RASAL2: variants seen among roughly 807,000 people sequenced by gnomAD.
RASAL2 encodes the protein ras GTPase-activating protein nGAP.
In RASAL2, 58 loss-of-function variants were observed where a neutral mutation model predicts 128.9. That is an observed-to-expected ratio of 0.45 (90% confidence interval 0.36 to 0.56). The LOEUF (loss-of-function observed/expected upper bound fraction) is 0.56. Among genes scored for constraint, RASAL2 ranks in the 20% least tolerant of loss-of-function variants. The probability of loss-of-function intolerance (pLI) is 0.00; values close to 1 mark genes in which losing one functional copy is unlikely to be tolerated. For missense variants in RASAL2, 1,360 were observed against 1,601.6 expected (o/e 0.85, Z 2.57); for synonymous variants, 561 against 580.8 (o/e 0.97, Z 0.49).
intron 3 of RASAL2, among the ~76,000 whole-genome samples, chr1:178,302,298 G>A (rs1048863397): frequency 6.6e-6 from 1 of 151,880 alleles, no homozygotes; most frequent in African/African-American, 2.4e-5. Context: ...TAGCAAGATA[G>A]GATGAATATA....
intron 13 of RASAL2, 140 bp downstream of exon 13, chr1:178,457,039 A>G (rs1311288376): frequency 2.7e-6 from 2 of 744,556 alleles, no homozygotes; most frequent in Non-Finnish European, 2.1e-6. Context: ...GAGCAGTCCA[A>G]TTATTTGTCA....
chr1:178,378,920 T>A (rs1381755841), intron 3 of RASAL2, among the ~76,000 whole-genome samples: 1 of 151,904 alleles, frequency 6.6e-6, no homozygotes, highest in East Asian at 1.9e-4. Flanking sequence ...TAAGAGTAGA[T>A]AATGATGAAA....
chr1:178,246,586 A>C (rs113912560), intron 1 of RASAL2, among the ~76,000 whole-genome samples: 1 of 152,302 alleles, frequency 6.6e-6, no homozygotes, highest in African/African-American at 2.4e-5. Flanking sequence ...TGCTCTGGCC[A>C]GAACTTCCAA....
At chr1:178,455,168 A>G (rs2102899069) in intron 12 of RASAL2, among the ~76,000 whole-genome samples, 1 of 152,270 alleles carries the variant, frequency 6.6e-6, no homozygotes, top group Non-Finnish European at 1.5e-5. Context: ...AGAATACAGA[A>G]AGCAATTATT....
At chr1:178,171,947 A>G (rs1298935153) in intron 1 of RASAL2, among the ~76,000 whole-genome samples, 1 of 151,904 alleles carries the variant, frequency 6.6e-6, no homozygotes. Context: ...GAGCTTTTTC[A>G]TGCTCTATTT....
chr1:178,205,552 C>T (rs927640189), intron 1 of RASAL2, among the ~76,000 whole-genome samples: 4 of 151,810 alleles, frequency 2.6e-5, no homozygotes, highest in Non-Finnish European at 5.9e-5. Context: ...GTCAGGAGAT[C>T]GAGACCATCC....
intron 3 of RASAL2, among the ~76,000 whole-genome samples, chr1:178,350,280 G>A (rs909549510): frequency 2.5e-4 from 38 of 152,304 alleles, no homozygotes; most frequent in Admixed American, 3.3e-4. Flanking sequence ...GTGTGCAGTG[G>A]CATGATCATG....
At chr1:178,227,918 G>A (rs1248814121) in intron 1 of RASAL2, among the ~76,000 whole-genome samples, 1 of 152,120 alleles carries the variant, frequency 6.6e-6, no homozygotes, top group East Asian at 1.9e-4. Flanking sequence ...GTTTCTAAGA[G>A]ATTATACATC....
intron 1 of RASAL2, among the ~76,000 whole-genome samples, chr1:178,245,899 A>G (rs1486288091): frequency 2.6e-5 from 4 of 152,060 alleles, no homozygotes. Context: ...GTTATTTCTG[A>G]CACCTCTGTT....
chr1:178,418,702 CTGT>C (rs1012039098), intron 4 of RASAL2, among the ~76,000 whole-genome samples: 1 of 152,214 alleles, frequency 6.6e-6, no homozygotes, highest in Non-Finnish European at 1.5e-5. Flanking sequence ...GCAGTCTATA[CTGT>C]TGTTCACCAA....
intron 1 of RASAL2, among the ~76,000 whole-genome samples, chr1:178,108,869 C>T (rs1659194461): frequency 6.6e-6 from 1 of 152,152 alleles, no homozygotes; most frequent in Admixed American, 6.6e-5. Flanking sequence ...CCGTAGATAA[C>T]ATGAGGAAGC....
chr1:178,404,921 A>G (rs567127987), intron 4 of RASAL2, among the ~76,000 whole-genome samples: 1 of 152,152 alleles, frequency 6.6e-6, no homozygotes, highest in African/African-American at 2.4e-5. Flanking sequence ...GGATCAATCA[A>G]TCCTCCTGCC....
intron 4 of RASAL2, among the ~76,000 whole-genome samples, chr1:178,403,219 A>G (rs943126347): frequency 6.6e-6 from 1 of 152,180 alleles, no homozygotes; most frequent in African/African-American, 2.4e-5. Context: ...TTCTTCCTTA[A>G]CCACCAGATT....
chr1:178,144,083 C>T (rs1182957091), intron 1 of RASAL2, among the ~76,000 whole-genome samples: 1 of 152,148 alleles, frequency 6.6e-6, no homozygotes, highest in Non-Finnish European at 1.5e-5. Context: ...CTCTCTGTCT[C>T]ATTTACTGAC....
chr1:178,277,680 T>C (rs761900363), intron 1 of RASAL2, among the ~76,000 whole-genome samples: 1 of 152,234 alleles, frequency 6.6e-6, no homozygotes, highest in African/African-American at 2.4e-5. Flanking sequence ...CAGTTCAGAC[T>C]TCTGCAGTTT....
At chr1:178,127,779 C>G (rs1368738570) in intron 1 of RASAL2, among the ~76,000 whole-genome samples, 2 of 151,934 alleles carry the variant, frequency 1.3e-5, no homozygotes, top group Admixed American at 1.3e-4. Context: ...ATACATTTCC[C>G]CCTCAATCCC....
chr1:178,116,699 T>C (rs890425544), intron 1 of RASAL2, among the ~76,000 whole-genome samples: 2 of 152,196 alleles, frequency 1.3e-5, no homozygotes, highest in Non-Finnish European at 2.9e-5. Flanking sequence ...AATCTTCACC[T>C]CCTGCGTTCA....
chr1:178,112,471 A>G (rs944207244), intron 1 of RASAL2, among the ~76,000 whole-genome samples: 1 of 151,304 alleles, frequency 6.6e-6, no homozygotes, highest in African/African-American at 2.4e-5. Flanking sequence ...AATTGCTTGA[A>G]CCCGGGAGGT....
intron 1 of RASAL2, among the ~76,000 whole-genome samples, chr1:178,182,193 T>G (rs2101931155): frequency 6.6e-6 from 1 of 152,342 alleles, no homozygotes; most frequent in African/African-American, 2.4e-5. Flanking sequence ...TCTTTATATA[T>G]TCTATCACTC....
Sources: gnomAD v4.1 joint callset for allele counts (sites outside exome capture counted in the v4.1 genomes callset) on GRCh38, gnomAD v4.1.1 for gene constraint, MANE v1.5 for transcripts, NCBI Gene and HGNC (gene_info 2026-07-23, HGNC 2026-07-21) for gene names.